Variants in EYS observed in about 807,000 individuals in gnomAD.
EYS encodes the protein protein eyes shut homolog.
In EYS, 250 loss-of-function variants were observed where a neutral mutation model predicts 282.1. That is an observed-to-expected ratio of 0.89 (90% CI 0.80 to 0.98). The LOEUF is 0.98. EYS is among the 50% of genes least tolerant of loss of function. The pLI, the probability that EYS is intolerant of heterozygous loss-of-function variation, is 0.00. For synonymous variants in EYS, 1,355 were observed against 1,282.9 expected, an observed-to-expected ratio of 1.06 and a Z score of -1.20; for missense variants, 4,016 against 3,709.0, an observed-to-expected ratio of 1.08 and a Z score of -2.15.
intron 31 of EYS, among the ~76,000 whole-genome samples, chr6:64,156,870 TTTAA>T (rs1774939697): frequency 6.7e-6 from 1 of 149,922 alleles, no homozygotes; most frequent in African/African-American, 2.5e-5. Flanking sequence ...CAGTTTTTTT[TTTAA>T]TTTTTAATTT....
intron 2 of EYS, among the ~76,000 whole-genome samples, chr6:65,519,708 A>ATATATATATATTTTTTTTTTT (rs1554205854): frequency 2.3e-5 from 1 of 42,562 alleles, no homozygotes; most frequent in African/African-American, 1.3e-4. Flanking sequence ...ATATATATAT[A>ATATATATATATTTTTTTTTTT]TTTTTTTTTT....
At chr6:65,329,116 T>G (rs1769704992) in intron 11 of EYS, among the ~76,000 whole-genome samples, 1 of 151,278 alleles carries the variant, frequency 6.6e-6, no homozygotes, top group Admixed American at 6.6e-5. Flanking sequence ...TTTTATTGTT[T>G]GAGATATGAA....
chr6:65,113,548 A>G (rs1173472517), intron 12 of EYS, among the ~76,000 whole-genome samples: 3 of 152,070 alleles, frequency 2.0e-5, no homozygotes, highest in Admixed American at 1.3e-4. Context: ...AAATGGCAGT[A>G]TCTTCTAGCT....
intron 19 of EYS, among the ~76,000 whole-genome samples, chr6:64,883,635 C>A (rs1442565062): frequency 6.6e-6 from 1 of 151,408 alleles, no homozygotes; most frequent in Non-Finnish European, 1.5e-5. Flanking sequence ...TTATATTCAT[C>A]TTTCCTATAT....
intron 29 of EYS, among the ~76,000 whole-genome samples, chr6:64,359,840 T>C (rs542732437): frequency 1.5e-4 from 23 of 151,834 alleles, no homozygotes; most frequent in African/African-American, 5.1e-4. Context: ...TACAGTCACA[T>C]TGGGGATTAG....
At chr6:64,888,830 A>G (rs1562244152) in intron 18 of EYS, among the ~76,000 whole-genome samples, 1 of 152,052 alleles carries the variant, frequency 6.6e-6, no homozygotes, top group Non-Finnish European at 1.5e-5. Context: ...TGAATTAATG[A>G]TGATCCCAAG....
At chr6:65,385,591 T>C (rs1449253728) in intron 7 of EYS, among the ~76,000 whole-genome samples, 7 of 151,990 alleles carry the variant, frequency 4.6e-5, no homozygotes, top group African/African-American at 1.7e-4. Flanking sequence ...GTGAAATACA[T>C]TATTATTTAT....
chr6:63,946,873 G>A (rs965269596), intron 35 of EYS, among the ~76,000 whole-genome samples: 5 of 151,720 alleles, frequency 3.3e-5, no homozygotes, highest in African/African-American at 1.2e-4. Flanking sequence ...GATGCTTGGG[G>A]TGATGAATAT....
intron 1 of EYS, among the ~76,000 whole-genome samples, chr6:65,652,093 C>G (rs1767672582): frequency 6.6e-6 from 1 of 151,682 alleles, no homozygotes; most frequent in Non-Finnish European, 1.5e-5. Flanking sequence ...ATTAAAACAA[C>G]TATAAAAATG....
chr6:65,182,323 T>C (rs1032525925), intron 12 of EYS, among the ~76,000 whole-genome samples: 3 of 151,490 alleles, frequency 2.0e-5, no homozygotes, highest in African/African-American at 7.3e-5. Flanking sequence ...CACAATAGGC[T>C]ATTAATGAAA....
chr6:64,559,388 G>A (rs1424223727), intron 26 of EYS, among the ~76,000 whole-genome samples: 1 of 151,284 alleles, frequency 6.6e-6, no homozygotes, highest in Non-Finnish European at 1.5e-5. Flanking sequence ...TGAAGTCCTC[G>A]TCTCAAGGGA....
intron 2 of EYS, among the ~76,000 whole-genome samples, chr6:65,599,395 T>C (rs1312047415): frequency 6.6e-6 from 1 of 152,068 alleles, no homozygotes; most frequent in Non-Finnish European, 1.5e-5. Flanking sequence ...CTCTATTGGC[T>C]GATCCAGAAG....
intron 30 of EYS, among the ~76,000 whole-genome samples, chr6:64,249,371 G>A (rs7451037): frequency 0.31 from 47,523 of 151,934 alleles, 7,449 homozygotes; most frequent in East Asian, 0.51. Flanking sequence ...AGACAATGGA[G>A]TCTTGGAAGA....
chr6:65,053,354 A>G (rs1773327416), intron 13 of EYS, among the ~76,000 whole-genome samples: 2 of 151,832 alleles, frequency 1.3e-5, no homozygotes, highest in Admixed American at 1.3e-4. Flanking sequence ...TACATTTTCA[A>G]ACAAATTCAT....
At chr6:64,982,096 T>A (rs1770693777) in intron 14 of EYS, among the ~76,000 whole-genome samples, 1 of 151,420 alleles carries the variant, frequency 6.6e-6, no homozygotes, top group Admixed American at 6.6e-5. Flanking sequence ...CAGGATTGGC[T>A]TAATTAGTGG....
At chr6:64,776,477 C>T (rs1328843799) in intron 22 of EYS, among the ~76,000 whole-genome samples, 1 of 151,962 alleles carries the variant, frequency 6.6e-6, no homozygotes, top group Non-Finnish European at 1.5e-5. Flanking sequence ...CCTTTATATG[C>T]TATTTAAATA....
At chr6:65,500,261 G>A (rs185983568) in intron 2 of EYS, among the ~76,000 whole-genome samples, 10 of 152,020 alleles carry the variant, frequency 6.6e-5, no homozygotes, top group African/African-American at 1.7e-4. Flanking sequence ...TAAACAAAGC[G>A]GCTGAGGCAA....
intron 8 of EYS, among the ~76,000 whole-genome samples, chr6:65,368,876 G>T (rs2150339647): frequency 6.6e-6 from 1 of 151,658 alleles, no homozygotes; most frequent in Non-Finnish European, 1.5e-5. Flanking sequence ...CCACGAAAGA[G>T]AGAGATGAGA....
At chr6:65,444,510 T>G (rs1332718929) in intron 5 of EYS, among the ~76,000 whole-genome samples, 1 of 152,080 alleles carries the variant, frequency 6.6e-6, no homozygotes, top group Non-Finnish European at 1.5e-5. Flanking sequence ...AGGTCAGTCT[T>G]TGGAGAGGGT....
Sources: allele counts gnomAD v4.1 joint callset (sites outside exome capture counted in the v4.1 genomes callset), GRCh38; gene constraint gnomAD v4.1.1; transcripts MANE v1.5; gene names NCBI Gene and HGNC (gene_info 2026-07-23, HGNC 2026-07-21).